PHKB: variants seen among roughly 807,000 people sequenced by gnomAD.
PHKB encodes the protein phosphorylase kinase regulatory subunit beta, also known as phosphorylase b kinase regulatory subunit beta.
In PHKB, 122 loss-of-function variants were observed where a neutral mutation model predicts 152.1. That is an observed-to-expected ratio of 0.80 (90% CI 0.69 to 0.93). PHKB has a LOEUF of 0.93. PHKB is among the 40% of genes least tolerant of loss of function. PHKB has a pLI of 0.00. For synonymous variants in PHKB, 436 were observed against 464.9 expected (o/e 0.94, Z 0.80); for missense variants, 1,304 against 1,328.4 (o/e 0.98, Z 0.29).
At chr16:47,528,597 T>C (rs930094903) in intron 6 of PHKB, among the ~76,000 whole-genome samples, 6 of 151,902 alleles carry the variant, frequency 3.9e-5, no homozygotes, top group African/African-American at 1.5e-4. Flanking sequence ...AGAATGAGAA[T>C]GTAAATGAGT....
At chr16:47,596,727 A>G (rs1196121082) in intron 13 of PHKB, among the ~76,000 whole-genome samples, 196 bp downstream of exon 13, 1 of 152,158 alleles carries the variant, frequency 6.6e-6, no homozygotes, top group Non-Finnish European at 1.5e-5. Flanking sequence ...TTCTGGAAAG[A>G]AAGCGAAATA....
intron 20 of PHKB, among the ~76,000 whole-genome samples, chr16:47,655,166 C>A (rs1973313167): frequency 6.6e-6 from 1 of 151,944 alleles, no homozygotes; most frequent in African/African-American, 2.4e-5. Context: ...AGTATACACA[C>A]AGGAACTTAA....
rs543405509 is a variant in PHKB at position 47,511,990 on chromosome 16, CA to C, written c.513+219del. Among the ~76,000 whole-genome samples, 688 of 152,214 alleles carry C rather than the reference CA, an allele frequency of 4.5e-3. 3 individuals carry two copies. The highest frequency in any genetic ancestry group is 7.7e-3 in the Admixed American group (117 of 15,284). On this transcript the variant is annotated intron_variant, in intron 5 of 30. Coordinates refer to ENST00000323584, the MANE Select transcript of PHKB (RefSeq NM_000293.3). ...ACCTGGATCCCTCGCATGTGCAGCTCACAATAGGGTTTGCACTCCTCTGAGA... is the reference window on the plus strand; with the variant it reads ...ACCTGGATCCCTCGCATGTGCAGCTCCAATAGGGTTTGCACTCCTCTGAGA...
chr16:47,656,218 C>T (rs1000269918), intron 20 of PHKB, among the ~76,000 whole-genome samples: 1 of 151,990 alleles, frequency 6.6e-6, no homozygotes, highest in Non-Finnish European at 1.5e-5. Context: ...GGGGTTTCAC[C>T]GTGTTAGCCA....
chr16:47,505,191 T>A (rs74492160), intron 4 of PHKB, among the ~76,000 whole-genome samples: 1 of 152,208 alleles, frequency 6.6e-6, no homozygotes, highest in Admixed American at 6.5e-5. Context: ...CACACTTTAG[T>A]TGGGTAAGAA....
intron 3 of PHKB, among the ~76,000 whole-genome samples, chr16:47,500,351 C>T (rs572151062): frequency 2.0e-5 from 3 of 152,160 alleles, no homozygotes; most frequent in Non-Finnish European, 2.9e-5. Flanking sequence ...TTTCATTTTT[C>T]TAAGAGCTTA....
chr16:47,692,773 G>A (rs1436408577), intron 27 of PHKB, among the ~76,000 whole-genome samples: 1 of 152,044 alleles, frequency 6.6e-6, no homozygotes, highest in Admixed American at 6.5e-5. Flanking sequence ...AAATTTTGGT[G>A]TATCACTACA....
chr16:47,485,673 C>T (rs766375616), intron 1 of PHKB, among the ~76,000 whole-genome samples: 2 of 152,144 alleles, frequency 1.3e-5, no homozygotes, highest in Non-Finnish European at 2.9e-5. Flanking sequence ...AGGCTGGAGT[C>T]CAGGTGCGTG....
At chr16:47,568,097 T>A (rs1023082915) in intron 7 of PHKB, among the ~76,000 whole-genome samples, 5 of 152,188 alleles carry the variant, frequency 3.3e-5, no homozygotes, top group Admixed American at 6.5e-5. Context: ...TGGAATAGTT[T>A]TACTAGGATT....
At chr16:47,537,901 TC>T (rs1358137547) in intron 6 of PHKB, among the ~76,000 whole-genome samples, 46 of 150,188 alleles carry the variant, frequency 3.1e-4, no homozygotes, top group African/African-American at 9.3e-4. Context: ...TCTCTCTCTC[TC>T]TTTTTAAGTT....
chr16:47,637,858 T>TG (rs1213727412), intron 14 of PHKB, among the ~76,000 whole-genome samples: 2 of 152,186 alleles, frequency 1.3e-5, no homozygotes, highest in Non-Finnish European at 2.9e-5. Context: ...AAAAGCTGGG[T>TG]GATCCAAGAT....
Position 47,587,701 on chromosome 16 carries a change from G to C in PHKB, c.808G>C (p.Asp270His). The stretch of plus-strand genomic sequence containing the variant: ...GTGGTCAGTTATATTTGTGGATCTC[G>C]ATGCTCACAATCGCAACAGGCAAAC... Reference protein sequence around the residue: ...CSWSVIFVDLDAHNRNRQTLC... With the variant: ...CSWSVIFVDLHAHNRNRQTLC... Residue 270 changes from aspartate to histidine, a missense_variant, in exon 9 of 31, where the codon GAT (aspartate) becomes CAT (histidine). By Grantham distance (81) the Asp-to-His change is moderately conservative. Transcript: ENST00000323584. The C allele has an allele frequency of 6.2e-7, 1 of 1,613,600 alleles. No homozygotes were observed. The highest frequency in any genetic ancestry group is 8.5e-7 in the Non-Finnish European group (1 of 1,179,670).
At chr16:47,558,829 C>T (rs1474457275) in intron 7 of PHKB, among the ~76,000 whole-genome samples, 1 of 152,224 alleles carries the variant, frequency 6.6e-6, no homozygotes, top group African/African-American at 2.4e-5. Context: ...GGATTACAGG[C>T]ATGAGCCACT....
chr16:47,520,609 A>G lies in PHKB; in HGVS notation c.594+5008A>G, dbSNP rs1261171464. Among the ~76,000 whole-genome samples, 3 of 152,358 alleles carry G rather than the reference A, an allele frequency of 2.0e-5. No individual in the cohort carries two copies. In the East Asian group the frequency reaches 5.8e-4, roughly 29 times the overall value. On this transcript the variant is annotated intron_variant, in intron 6 of 30. Transcript: ENST00000323584. ...CATATTCAAGCTTCAAAGGCAGCCA[A>G]AGAGACCTAAGGCTTACAGGTTTAT...
intron 1 of PHKB, among the ~76,000 whole-genome samples, chr16:47,466,757 G>GT (rs979580458): frequency 4.0e-5 from 6 of 151,562 alleles, no homozygotes; most frequent in Admixed American, 3.9e-4. Flanking sequence ...GCCTGATATT[G>GT]TTTTTTTTAA....
At chr16:47,697,215 T>C (rs1166631615) in intron 29 of PHKB, among the ~76,000 whole-genome samples, 2 of 152,332 alleles carry the variant, frequency 1.3e-5, no homozygotes, top group East Asian at 3.9e-4. Flanking sequence ...ATATGTCTTA[T>C]TGCTACGGAA....
rs543180508 is a variant in PHKB at position 47,697,887 on chromosome 16, T to C, written c.3004-561T>C. ...AGTTTATACAGACCAAATAGGACTT[T>C]TGTCACAGGGGTCAGAGTTAAACAT... On this transcript the variant is annotated intron_variant, in intron 29 of 30. Coordinates refer to ENST00000323584, the MANE Select transcript of PHKB (RefSeq NM_000293.3). Among the ~76,000 whole-genome samples, 7 of 152,336 alleles carry C rather than the reference T, an allele frequency of 4.6e-5. No individual in the cohort carries two copies. In the East Asian group the frequency reaches 1.3e-3, roughly 29 times the overall value.
At chr16:47,681,007 C>G (rs990840195) in intron 26 of PHKB, among the ~76,000 whole-genome samples, 1 of 152,168 alleles carries the variant, frequency 6.6e-6, no homozygotes, top group African/African-American at 2.4e-5. Context: ...ATCTGTGTTT[C>G]TGCCTTCATT....
intron 6 of PHKB, among the ~76,000 whole-genome samples, chr16:47,540,562 C>T (rs1227420021): frequency 6.6e-6 from 1 of 151,878 alleles, no homozygotes; most frequent in African/African-American, 2.4e-5. Context: ...TGATGTCACC[C>T]CTGGCGGCCC....
Sources: gnomAD v4.1 joint callset for allele counts (sites outside exome capture counted in the v4.1 genomes callset) on GRCh38, gnomAD v4.1.1 for gene constraint, MANE v1.5 for transcripts, NCBI Gene and HGNC (gene_info 2026-07-23, HGNC 2026-07-21) for gene names.